PRIM2: variants seen among roughly 807,000 people sequenced by gnomAD.
PRIM2 encodes DNA primase large subunit.
PRIM2 carries 39 observed loss-of-function variants against 67.3 expected under a neutral mutation model. That is an observed-to-expected ratio of 0.58 (90% CI 0.45 to 0.76). The LOEUF (loss-of-function observed/expected upper bound fraction) is 0.76. PRIM2 is among the 30% of genes least tolerant of loss of function. PRIM2 has a pLI of 0.00. For missense variants in PRIM2, 398 were observed against 598.7 expected, an observed-to-expected ratio of 0.66 and a Z score of 3.50; for synonymous variants, 143 against 198.7, an observed-to-expected ratio of 0.72 and a Z score of 2.36.
At chr6:57,472,722 A>G (rs1393729743) in intron 7 of PRIM2, among the ~76,000 whole-genome samples, 2 of 152,262 alleles carry the variant, frequency 1.3e-5, no homozygotes, top group African/African-American at 4.8e-5. Context: ...AATTAAATAT[A>G]TAATAGGCCA....
chr6:57,500,521 G>C (rs1774109845), intron 7 of PRIM2, among the ~76,000 whole-genome samples: 1 of 152,224 alleles, frequency 6.6e-6, no homozygotes, highest in African/African-American at 2.4e-5. Context: ...AGACTGCAAA[G>C]AATGGAAGGC....
At chr6:57,436,585 G>C (rs1180436612) in intron 7 of PRIM2, among the ~76,000 whole-genome samples, 1 of 152,144 alleles carries the variant, frequency 6.6e-6, no homozygotes, top group African/African-American at 2.4e-5. Flanking sequence ...TGCTTACCTA[G>C]CTCTTAAGGC....
intron 7 of PRIM2, among the ~76,000 whole-genome samples, chr6:57,486,555 C>A (rs1773756935): frequency 6.6e-6 from 1 of 152,218 alleles, no homozygotes; most frequent in African/African-American, 2.4e-5. Context: ...GAGGCCTTGC[C>A]TGAGCAGAGG....
At chr6:57,450,025 G>A (rs1772490131) in intron 7 of PRIM2, among the ~76,000 whole-genome samples, 1 of 152,026 alleles carries the variant, frequency 6.6e-6, no homozygotes, top group Non-Finnish European at 1.5e-5. Flanking sequence ...CACATTACTT[G>A]TTATTCTAGA....
chr6:57,482,694 G>C (rs1487484540), intron 7 of PRIM2, among the ~76,000 whole-genome samples: 5 of 152,150 alleles, frequency 3.3e-5, no homozygotes, highest in Non-Finnish European at 7.3e-5. Flanking sequence ...CAAAGCTACA[G>C]AGCAAAGATG....
chr6:57,326,637 C>A (rs1279146628), intron 5 of PRIM2, among the ~76,000 whole-genome samples: 1 of 151,936 alleles, frequency 6.6e-6, no homozygotes, highest in Non-Finnish European at 1.5e-5. Flanking sequence ...ATGAAAATTG[C>A]TTGAACCCGG....
chr6:57,502,817 G>C (rs1774166957), intron 7 of PRIM2, among the ~76,000 whole-genome samples: 1 of 152,118 alleles, frequency 6.6e-6, no homozygotes, highest in South Asian at 2.1e-4. Context: ...TTGAGTTTTG[G>C]ACTGCTAGTT....
intron 13 of PRIM2, among the ~76,000 whole-genome samples, chr6:57,640,284 T>G (rs1414162216): frequency 6.6e-6 from 1 of 152,188 alleles, no homozygotes; most frequent in Non-Finnish European, 1.5e-5. Context: ...AATATCATAC[T>G]GAATGGGCAA....
chr6:57,593,354 G>C (rs1423019607), intron 10 of PRIM2, among the ~76,000 whole-genome samples: 1 of 151,520 alleles, frequency 6.6e-6, no homozygotes, highest in Non-Finnish European at 1.5e-5. Flanking sequence ...CCAGGCTGGA[G>C]TGCAATGGCG....
the PRIM2 span, among the ~76,000 whole-genome samples, chr6:57,297,205 G>GT: frequency 6.6e-6 from 1 of 152,132 alleles, no homozygotes; most frequent in South Asian, 2.1e-4. Context: ...ACTTTGGGAG[G>GT]TTGAGGCGGG....
chr6:57,406,160 TTAGGGAG>T (rs1490042806), intron 7 of PRIM2, among the ~76,000 whole-genome samples: 1 of 152,176 alleles, frequency 6.6e-6, no homozygotes, highest in Non-Finnish European at 1.5e-5. Context: ...CTTGTCTTTT[TTAGGGAG>T]TAGGGAGTGG....
chr6:57,312,175 CTG>C (rs779059760), upstream of PRIM2, among the ~76,000 whole-genome samples: 2 of 152,014 alleles, frequency 1.3e-5, no homozygotes, highest in Non-Finnish European at 2.9e-5. Context: ...ATCTAAAAAA[CTG>C]TGTATTTATG....
At chr6:57,269,910 T>A in the PRIM2 span, among the ~76,000 whole-genome samples, 1 of 152,240 alleles carries the variant, frequency 6.6e-6, no homozygotes, top group Non-Finnish European at 1.5e-5. Context: ...TTGCTTGTTT[T>A]TGTGAGGTTT....
At chr6:57,402,171 C>T (rs1770734509) in intron 7 of PRIM2, among the ~76,000 whole-genome samples, 1 of 152,166 alleles carries the variant, frequency 6.6e-6, no homozygotes, top group Non-Finnish European at 1.5e-5. Context: ...TCCCTAGTCA[C>T]CTTGGATTTT....
At position 57,646,231 on chromosome 6, in the gene PRIM2, G is replaced by T; in HGVS notation, c.*73G>T. The stretch of plus-strand genomic sequence containing the variant: ...GATTTTGCCTTTGTTGTTGAAAAAG[G>T]GTTTCACTCTGTCACCAAGGCTTAG... On this transcript the variant is annotated 3_prime_UTR_variant, in exon 14 of 14. Transcript: ENST00000615550. 1.4e-6 allele frequency: 1 copy of T among 719,464 alleles called. No homozygotes were observed. The highest frequency in any genetic ancestry group is 2.4e-6 in the Non-Finnish European group (1 of 420,380). The allele number at this position is 719,464 out of a possible 1,614,324, so 44.6% of individuals were successfully genotyped here.
the PRIM2 span, among the ~76,000 whole-genome samples, chr6:57,259,724 T>C: frequency 2.6e-5 from 4 of 152,130 alleles, no homozygotes; most frequent in African/African-American, 9.7e-5. Flanking sequence ...GCTAGGAATA[T>C]TGCTTGCTGA....
intron 7 of PRIM2, among the ~76,000 whole-genome samples, chr6:57,497,120 A>G (rs1285608719): frequency 6.6e-6 from 1 of 152,218 alleles, no homozygotes; most frequent in Non-Finnish European, 1.5e-5. Flanking sequence ...TAAAAGCAAG[A>G]ACATGTTCTA....
the PRIM2 span, among the ~76,000 whole-genome samples, chr6:57,232,671 A>G: frequency 1.3e-5 from 2 of 152,248 alleles, no homozygotes; most frequent in Non-Finnish European, 2.9e-5. Flanking sequence ...AATAGGATAT[A>G]TAGCAAGCAT....
intron 5 of PRIM2, among the ~76,000 whole-genome samples, chr6:57,377,049 T>A (rs1473423096): frequency 1.3e-5 from 2 of 151,290 alleles, no homozygotes; most frequent in African/African-American, 2.4e-5. Context: ...GCTAATTTTT[T>A]TTTTTTTTTT....
Sources: allele counts gnomAD v4.1 joint callset (sites outside exome capture counted in the v4.1 genomes callset), GRCh38; gene constraint gnomAD v4.1.1; transcripts MANE v1.5; gene names NCBI Gene and HGNC (gene_info 2026-07-23, HGNC 2026-07-21).